Variants in ZNF429 observed in about 807,000 individuals in gnomAD.
ZNF429 encodes zinc finger protein 429.
A neutral mutation model predicts 56.8 loss-of-function variants in ZNF429; 53 were observed. The ratio of observed to expected loss-of-function variants is 0.93; its 90% confidence interval spans 0.75 to 1.17. The LOEUF is 1.17. ZNF429 is among the 50% of genes most tolerant of loss of function. The probability of loss-of-function intolerance (pLI) is 0.00; values close to 1 mark genes in which losing one functional copy is unlikely to be tolerated. For synonymous variants in ZNF429, 278 were observed against 264.7 expected, an observed-to-expected ratio of 1.05 and a Z score of -0.49; for missense variants, 849 against 788.4, an observed-to-expected ratio of 1.08 and a Z score of -0.92.
At position 21,536,811 on chromosome 19, in the gene ZNF429, G is replaced by C; in HGVS notation, c.758G>C (p.Gly253Ala). ...ACTAACCATAAGAGAATTCATACTGGAGAGAAACCCTACAAATGTAAAGAA... is the reference window on the plus strand; with the variant it reads ...ACTAACCATAAGAGAATTCATACTGCAGAGAAACCCTACAAATGTAAAGAA... Reference protein sequence around the residue: ...TLTNHKRIHTGEKPYKCKECG... With the variant: ...TLTNHKRIHTAEKPYKCKECG... The change falls in exon 4 of 4, where the codon GGA (glycine) becomes GCA (alanine). Residue 253 changes from glycine (G) to alanine (A), a missense_variant. Physicochemically the swap from Gly to Ala is moderately conservative, Grantham distance 60. Coordinates refer to ENST00000358491, the MANE Select transcript of ZNF429 (RefSeq NM_001001415.4). The C allele has an allele frequency of 1.2e-6, 2 of 1,613,802 alleles. No individual in the cohort carries two copies. The highest frequency in any genetic ancestry group is 1.3e-5 in the African/African-American group (1 of 75,014).
intron 1 of ZNF429, among the ~76,000 whole-genome samples, chr19:21,517,182 T>A (rs1264638519): frequency 1.3e-5 from 2 of 152,212 alleles, no homozygotes; most frequent in African/African-American, 4.8e-5. Flanking sequence ...TTTATCTACG[T>A]CTATTGAGAT....
intron 1 of ZNF429, among the ~76,000 whole-genome samples, chr19:21,526,548 T>C (rs1480550494): frequency 6.6e-6 from 1 of 152,226 alleles, no homozygotes; most frequent in Non-Finnish European, 1.5e-5. Flanking sequence ...GTTGTCAAAC[T>C]CAGAGAGACA....
chr19:21,536,390 T>G lies in ZNF429; in HGVS notation c.337T>G (p.Leu113Val). ...YDKRGHENLQ[L>V]RKGYKTVGDC... ...TAAACGTGGACATGAGAACTTACAATTAAGAAAAGGCTATAAAACTGTAGG... is the reference window on the plus strand; with the variant it reads ...TAAACGTGGACATGAGAACTTACAAGTAAGAAAAGGCTATAAAACTGTAGG... Residue 113 changes from leucine to valine, a missense_variant, in exon 4 of 4, where the codon TTA becomes GTA. Coordinates refer to ENST00000358491, the MANE Select transcript of ZNF429 (RefSeq NM_001001415.4). 1.2e-6 allele frequency: 2 copies of G among 1,613,882 alleles called. No individual in the cohort carries two copies. The highest frequency in any genetic ancestry group is 2.2e-5 in the South Asian group (2 of 91,072).
At position 21,536,497 on chromosome 19, in the gene ZNF429, T is replaced by C; in HGVS notation, c.444T>C (p.Asp148=). The change falls in exon 4 of 4, where the codon GAT becomes GAC. Residue 148 remains aspartate (D), a synonymous_variant. Transcript: ENST00000358491. ...CCCAGAGCAAAATGTATCACTGTGATATATATGTAAAAGTCTTTTATGCAT... is the reference window on the plus strand; with the variant it reads ...CCCAGAGCAAAATGTATCACTGTGACATATATGTAAAAGTCTTTTATGCAT... ...TLTQSKMYHC[D]IYVKVFYAFS... 2 of 1,613,042 alleles carry C rather than the reference T, an allele frequency of 1.2e-6. No individual in the cohort carries two copies.
intron 1 of ZNF429, among the ~76,000 whole-genome samples, chr19:21,510,546 G>C (rs1259777271): frequency 6.6e-6 from 1 of 152,156 alleles, no homozygotes; most frequent in Non-Finnish European, 1.5e-5. Context: ...CCAGAGGGCT[G>C]CTGGTTGACC....
At chr19:21,530,191 A>C in intron 2 of ZNF429, among the ~76,000 whole-genome samples, 5 of 134,888 alleles carry the variant, frequency 3.7e-5, no homozygotes, top group Non-Finnish European at 6.3e-5. Context: ...ACTCCATCTC[A>C]AAAAAAAAAA....
intron 3 of ZNF429, among the ~76,000 whole-genome samples, chr19:21,533,752 C>G: frequency 6.6e-6 from 1 of 151,872 alleles, no homozygotes; most frequent in African/African-American, 2.4e-5. Flanking sequence ...TTCCCGGGTT[C>G]AAGCAATTCT....
At chr19:21,514,343 C>G (rs2032639560) in intron 1 of ZNF429, among the ~76,000 whole-genome samples, 1 of 152,158 alleles carries the variant, frequency 6.6e-6, no homozygotes, top group African/African-American at 2.4e-5. Flanking sequence ...CTCCTACCCT[C>G]CACCCTCAAC....
intron 1 of ZNF429, among the ~76,000 whole-genome samples, chr19:21,512,089 G>A (rs1391266861): frequency 6.6e-6 from 1 of 152,038 alleles, no homozygotes; most frequent in Non-Finnish European, 1.5e-5. Flanking sequence ...GGGAGACCGT[G>A]GGGAGAGGGA....
chr19:21,526,851 A>T (rs1317983267), intron 1 of ZNF429, among the ~76,000 whole-genome samples: 1 of 152,076 alleles, frequency 6.6e-6, no homozygotes, highest in Non-Finnish European at 1.5e-5. Context: ...TGGGATTGCT[A>T]GTTTGTTCTT....
At chr19:21,505,833 A>T in intron 1 of ZNF429, 59 bp downstream of exon 1, 1 of 1,590,798 alleles carries the variant, frequency 6.3e-7, no homozygotes, top group Non-Finnish European at 8.6e-7. Flanking sequence ...GAACCGTGAG[A>T]AGTGGCCGTG....
chr19:21,531,106 CAAAAAAAAAAAAAAAAAAAAAAACCAAA>C, intron 3 of ZNF429, among the ~76,000 whole-genome samples: 1 of 17,560 alleles, frequency 5.7e-5, no homozygotes, highest in East Asian at 1.5e-3. Context: ...AACTCCATCT[CAAAAAAAAAAAAAAAAAAAAAAACCAAA>C]AAAAAAAAAA....
intron 1 of ZNF429, among the ~76,000 whole-genome samples, chr19:21,522,512 A>G (rs1279642697): frequency 1.3e-5 from 2 of 152,204 alleles, no homozygotes; most frequent in Admixed American, 1.3e-4. Flanking sequence ...AACACTATCT[A>G]GAATTACCAT....
rs1190149580 is a variant in ZNF429 at position 21,537,107 on chromosome 19, T to A, written c.1054T>A (p.Trp352Arg). 4 of 1,606,578 alleles carry A rather than the reference T, an allele frequency of 2.5e-6. No individual in the cohort carries two copies. In the Admixed American group the frequency reaches 6.7e-5, roughly 27 times the overall value. Residue 352 changes from tryptophan to arginine, a missense_variant, in exon 4 of 4, where the codon TGG (tryptophan) becomes AGG (arginine). Physicochemically the swap from Trp to Arg is moderately radical, Grantham distance 101. Coordinates refer to ENST00000358491, the MANE Select transcript of ZNF429 (RefSeq NM_001001415.4). ...TGAAGAATGTGGCAAAGCCTTTAAC[T>A]GGTCTTCAACTCTTACTAAACATAA... ...KCEECGKAFN[W>R]SSTLTKHKVI...
chr19:21,514,927 A>G (rs903847180), intron 1 of ZNF429, among the ~76,000 whole-genome samples: 1 of 147,550 alleles, frequency 6.8e-6, no homozygotes, highest in Non-Finnish European at 1.5e-5. Flanking sequence ...TTTTTAAATT[A>G]TTTTATTTTG....
At chr19:21,506,895 A>G (rs1208612359) in intron 1 of ZNF429, among the ~76,000 whole-genome samples, 1 of 149,470 alleles carries the variant, frequency 6.7e-6, no homozygotes, top group Non-Finnish European at 1.5e-5. Context: ...CAGCCTCCTG[A>G]GTAGCTGGGA....
chr19:21,506,799 CCCT>C (rs2032193526), intron 1 of ZNF429, among the ~76,000 whole-genome samples: 1 of 92,156 alleles, frequency 1.1e-5, no homozygotes, highest in Non-Finnish European at 2.1e-5. Context: ...GATGGAGTTT[CCCT>C]CTTCTTGCCC....
chr19:21,527,394 T>C (rs1355898283), intron 1 of ZNF429, among the ~76,000 whole-genome samples: 1 of 152,206 alleles, frequency 6.6e-6, no homozygotes, highest in East Asian at 1.9e-4. Flanking sequence ...CAACAGGTTC[T>C]GCATAGAAGC....
intron 1 of ZNF429, among the ~76,000 whole-genome samples, chr19:21,525,189 G>A (rs1001508490): frequency 1.3e-5 from 2 of 152,070 alleles, no homozygotes; most frequent in African/African-American, 4.8e-5. Context: ...ATGGACAGAA[G>A]AATTTTTATT....
Sources: gnomAD v4.1 joint callset for allele counts (sites outside exome capture counted in the v4.1 genomes callset) on GRCh38, gnomAD v4.1.1 for gene constraint, MANE v1.5 for transcripts, NCBI Gene and HGNC (gene_info 2026-07-23, HGNC 2026-07-21) for gene names.